Variants in ENPEP observed in about 807,000 individuals in gnomAD.
The protein encoded by ENPEP is glutamyl aminopeptidase.
ENPEP carries 103 observed loss-of-function variants against 114.5 expected under a neutral mutation model. That is an observed-to-expected ratio of 0.90 (90% confidence interval 0.77 to 1.06). The LOEUF (loss-of-function observed/expected upper bound fraction) is 1.06, where lower values mean the gene tolerates loss of function less well. Ranked by LOEUF, ENPEP falls within the 50% of genes least tolerant of loss-of-function variation. ENPEP has a pLI of 0.00. For missense variants in ENPEP, 1,196 were observed against 1,161.3 expected (o/e 1.03, Z -0.43); for synonymous variants, 420 against 422.0 (o/e 1.00, Z 0.06).
intron 3 of ENPEP, among the ~76,000 whole-genome samples, chr4:110,501,651 A>G (rs1288644670): frequency 6.6e-6 from 1 of 152,196 alleles, no homozygotes; most frequent in Non-Finnish European, 1.5e-5. Flanking sequence ...TCCATGCTGT[A>G]TATATACCAC....
At chr4:110,494,535 A>T (rs1369361473) in intron 3 of ENPEP, among the ~76,000 whole-genome samples, 1 of 152,174 alleles carries the variant, frequency 6.6e-6, no homozygotes, top group Non-Finnish European at 1.5e-5. Flanking sequence ...GCCCTGATTC[A>T]ACTTGCTTGG....
At chr4:110,552,127 A>C (rs1727312930) in intron 17 of ENPEP, among the ~76,000 whole-genome samples, 1 of 152,158 alleles carries the variant, frequency 6.6e-6, no homozygotes. Flanking sequence ...AGCTTCCCAT[A>C]AACAGGACCC....
In ENPEP at chr4:110,561,321, A is replaced by T. The variant is rs1251902401; in HGVS notation, c.2722-85A>T. The stretch of plus-strand genomic sequence containing the variant: ...TGATACTGAATTTCTAGGTAAGAAG[A>T]AAGCAAATCCAGTTTGTGAATGAAA... On this transcript the variant is annotated intron_variant, in intron 19 of 19. Coordinates refer to ENST00000265162, the MANE Select transcript of ENPEP (RefSeq NM_001977.4). 1.2e-5 allele frequency: 18 copies of T among 1,444,912 alleles called. No individual in the cohort carries two copies. The East Asian group carries it at 3.5e-4, about 28-fold the overall frequency. 89.5% of individuals were successfully genotyped at this position (1,444,912 alleles called of 1,614,324 possible).
At chr4:110,499,326 A>G (rs1725065450) in intron 3 of ENPEP, among the ~76,000 whole-genome samples, 2 of 152,160 alleles carry the variant, frequency 1.3e-5, no homozygotes, top group South Asian at 2.1e-4. Flanking sequence ...TGTTATATCT[A>G]TTTTACAGCT....
chr4:110,545,080 G>A (rs1469587945), intron 13 of ENPEP, among the ~76,000 whole-genome samples: 1 of 152,038 alleles, frequency 6.6e-6, no homozygotes, highest in Non-Finnish European at 1.5e-5. Context: ...GACCACATAA[G>A]CTAAGACCAT....
At chr4:110,497,507 T>A (rs1404449043) in intron 3 of ENPEP, among the ~76,000 whole-genome samples, 2 of 150,952 alleles carry the variant, frequency 1.3e-5, no homozygotes, top group African/African-American at 2.5e-5. Context: ...GTTCATTTTT[T>A]AATTTCTTAA....
Position 110,559,733 on chromosome 4 carries a change from G to A in ENPEP, c.2721+8G>A. The stretch of plus-strand genomic sequence containing the variant: ...GAACTGCAACTGTGGCAGGTATGAA[G>A]ATAAATTCCTCTGCATTTGTCCAAG... On this transcript the variant is annotated splice_region_variant and intron_variant, in intron 19 of 19. Coordinates refer to ENST00000265162, the MANE Select transcript of ENPEP (RefSeq NM_001977.4). The A allele has an allele frequency of 6.2e-7, 1 of 1,607,062 alleles. No individual in the cohort carries two copies. Among genetic ancestry groups the A allele is most frequent in the Non-Finnish European group, 8.5e-7 (1 of 1,174,690 alleles).
intron 3 of ENPEP, among the ~76,000 whole-genome samples, chr4:110,501,406 T>C (rs1725152054): frequency 6.6e-6 from 1 of 152,136 alleles, no homozygotes; most frequent in Admixed American, 6.5e-5. Context: ...TAGTGCCCGA[T>C]AGGTGGTTTT....
rs1207416666 is a variant in ENPEP, at chr4:110,565,225, A to G, written c.*3667A>G. 1.3e-5 allele frequency: 2 copies of G among 152,238 alleles called. No homozygotes were observed. The highest frequency in any genetic ancestry group is 2.9e-5 in the Non-Finnish European group (2 of 68,050). The allele number at this position is 152,238 out of a possible 1,614,324, so 9.4% of individuals were successfully genotyped here. A position where few individuals can be genotyped will look rare whatever the true frequency, so the allele number is the denominator to read the frequency against. ...AAAGGAGAATAATAGTTCATGATGT[A>G]AAAATTATATAAAATTTAAATAAAT... On this transcript the variant is annotated 3_prime_UTR_variant, in exon 20 of 20. Transcript: ENST00000265162.
chr4:110,524,835 T>C (rs911843308), intron 10 of ENPEP, among the ~76,000 whole-genome samples: 3 of 152,216 alleles, frequency 2.0e-5, no homozygotes, highest in African/African-American at 4.8e-5. Context: ...CATAGCTTAC[T>C]GCAGCCTCAA....
chr4:110,488,789 G>A (rs1269513688), intron 2 of ENPEP, 107 bp downstream of exon 2: 3 of 1,404,364 alleles, frequency 2.1e-6, no homozygotes, highest in Non-Finnish European at 2.9e-6. Flanking sequence ...AAAACTAAAT[G>A]TGCACTAATA....
At chr4:110,519,645 T>C (rs1318755068) in intron 8 of ENPEP, 3 of 178,674 alleles carry the variant, frequency 1.7e-5, no homozygotes, top group Non-Finnish European at 3.5e-5. Flanking sequence ...ACCACCATCA[T>C]CATCATTATT....
intron 11 of ENPEP, among the ~76,000 whole-genome samples, chr4:110,534,594 G>A (rs753699182): frequency 9.9e-5 from 13 of 131,856 alleles, no homozygotes; most frequent in Non-Finnish European, 1.9e-4. Flanking sequence ...TGCAACGTCC[G>A]CCCCCTGGGT....
chr4:110,523,771 A>G (rs1726094323), intron 10 of ENPEP, among the ~76,000 whole-genome samples: 1 of 152,234 alleles, frequency 6.6e-6, no homozygotes, highest in African/African-American at 2.4e-5. Flanking sequence ...GGTGGGAGAA[A>G]GTGTTGGGAT....
intron 17 of ENPEP, 31 bp downstream of exon 17, chr4:110,549,917 A>G: frequency 6.5e-7 from 1 of 1,531,992 alleles, no homozygotes; most frequent in Non-Finnish European, 8.8e-7. Context: ...ACATATATAA[A>G]TAGTATTTAA....
In ENPEP at chr4:110,491,030, T is replaced by C. The variant is rs186940579; in HGVS notation, c.787-3T>C. On this transcript the variant is annotated splice_region_variant and splice_polypyrimidine_tract_variant and intron_variant, in intron 2 of 19. Coordinates refer to ENST00000265162, the MANE Select transcript of ENPEP (RefSeq NM_001977.4). ...ATAAAAGTTTATCTTTTCTTTTCAA[T>C]AGAAAGAAGAGTCAGTGGATGATAA... is the stretch of plus-strand genomic sequence containing the variant. 5,532 of 1,600,570 alleles carry C rather than the reference T, an allele frequency of 3.5e-3. 30 individuals carry two copies. The highest frequency in any genetic ancestry group is 3.2e-3 in the Non-Finnish European group (3,713 of 1,176,754).
Position 110,509,653 on chromosome 4 carries a change from A to C in ENPEP, c.1040A>C (p.Asp347Ala). The C allele has an allele frequency of 6.2e-7, 1 of 1,611,622 alleles. No homozygotes were observed. Among genetic ancestry groups the C allele is most frequent in the African/African-American group, 1.3e-5 (1 of 74,960 alleles). The change falls in exon 5 of 20, where the codon GAT becomes GCT. Residue 347 changes from aspartate to alanine, a missense_variant and splice_region_variant. By Grantham distance (126) the Asp-to-Ala change is moderately radical. Transcript: ENST00000265162. Reference protein sequence around the residue: ...FAMNYSLPKLDKIAIPDFGTG... With the variant: ...FAMNYSLPKLAKIAIPDFGTG... Reference sequence around the variant, plus strand: ...CACTGGACTCTTTCTTCTTCTATAGATAAAATCGCTATTCCAGATTTTGGC... The same window carrying C: ...CACTGGACTCTTTCTTCTTCTATAGCTAAAATCGCTATTCCAGATTTTGGC...
chr4:110,531,945 AG>A (rs1390637539), intron 11 of ENPEP, among the ~76,000 whole-genome samples: 9 of 152,182 alleles, frequency 5.9e-5, no homozygotes, highest in African/African-American at 2.2e-4. Flanking sequence ...GACTTGATTT[AG>A]AATAGTATTT....
intron 13 of ENPEP, among the ~76,000 whole-genome samples, chr4:110,544,547 G>A (rs373670518): frequency 6.6e-6 from 1 of 152,232 alleles, no homozygotes; most frequent in East Asian, 1.9e-4. Context: ...GACTTACTAT[G>A]TGCCAGGCAC....
Sources: allele counts gnomAD v4.1 joint callset (sites outside exome capture counted in the v4.1 genomes callset), GRCh38; gene constraint gnomAD v4.1.1; transcripts MANE v1.5; gene names NCBI Gene and HGNC (gene_info 2026-07-23, HGNC 2026-07-21).